Variants in HIP1R observed in about 807,000 individuals in gnomAD.
HIP1R encodes the protein huntingtin-interacting protein 1-related protein.
HIP1R carries 135 observed loss-of-function variants against 144.2 expected under a neutral mutation model. The ratio of observed to expected loss-of-function variants is 0.94; its 90% CI spans 0.81 to 1.08. HIP1R has a LOEUF of 1.08. HIP1R is among the 50% of genes least tolerant of loss of function. The pLI is 0.00. For synonymous variants in HIP1R, 698 were observed against 612.8 expected (o/e 1.14, Z -2.05); for missense variants, 1,462 against 1,432.8 (o/e 1.02, Z -0.33).
rs994556810 is a variant in HIP1R, at chr12:122,840,539, T to A, written c.93+4896T>A. Reference sequence around the variant, plus strand: ...GAGTGGTTGTGAAGAAATTTACAGGTGTTCATAGTGCCTGGTGTGTAGTGA... The same window carrying A: ...GAGTGGTTGTGAAGAAATTTACAGGAGTTCATAGTGCCTGGTGTGTAGTGA... On this transcript the variant is annotated intron_variant, in intron 1 of 31. Transcript: ENST00000253083. This position sits in a 1 kb window ranked among gnomAD's most constrained non-coding sequence, Gnocchi z 4.2. 2.8e-4 allele frequency among the ~76,000 whole-genome samples: 42 copies of A among 152,134 alleles called. No individual in the cohort carries two copies. Among genetic ancestry groups the A allele is most frequent in the Non-Finnish European group, 2.1e-4 (14 of 68,026 alleles).
At chr12:122,859,929 C>T (rs2033715811) in intron 24 of HIP1R, 99 bp downstream of exon 24, 3 of 1,473,890 alleles carry the variant, frequency 2.0e-6, no homozygotes, top group East Asian at 2.3e-5. Context: ...AAAGGAAGGC[C>T]TGGCTCAGAG....
chr12:122,857,987 C>T (rs930368409), intron 18 of HIP1R, 115 bp from the exon 19 acceptor site: 2 of 877,222 alleles, frequency 2.3e-6, no homozygotes, highest in African/African-American at 1.7e-5. Flanking sequence ...ACCCCCCTGA[C>T]CAGTGAGGGT....
chr12:122,851,992 G>A (rs963667628), intron 7 of HIP1R, among the ~76,000 whole-genome samples: 1 of 152,216 alleles, frequency 6.6e-6, no homozygotes, highest in Non-Finnish European at 1.5e-5. Context: ...AAGCCTCTGA[G>A]TCACGTCAGA....
rs1020235596 is a variant in HIP1R at position 122,836,994 on chromosome 12, C to G, written c.93+1351C>G. ...CATCAACTGGTTCAGCCCGGATAGC[C>G]CGTCATTTTAAAAAAATTTAAAGTC... On this transcript the variant is annotated intron_variant, in intron 1 of 31. Coordinates refer to ENST00000253083, the MANE Select transcript of HIP1R (RefSeq NM_003959.3). The surrounding 1 kb of genome is among the most constrained non-coding windows in gnomAD (Gnocchi z 4.1). Among the ~76,000 whole-genome samples the G allele has an allele frequency of 6.6e-6, 1 of 152,122 alleles. No homozygotes were observed. The highest frequency in any genetic ancestry group is 2.4e-5 in the African/African-American group (1 of 41,406).
chr12:122,859,933 C>A, intron 24 of HIP1R, 103 bp downstream of exon 24: 1 of 1,467,936 alleles, frequency 6.8e-7, no homozygotes, highest in Non-Finnish European at 9.3e-7. Flanking sequence ...GAAGGCCTGG[C>A]TCAGAGCAGA....
At chr12:122,844,036 G>A (rs1384361556) in intron 1 of HIP1R, among the ~76,000 whole-genome samples, 2 of 152,026 alleles carry the variant, frequency 1.3e-5, no homozygotes, top group Non-Finnish European at 2.9e-5. Context: ...TGGGAGTTTC[G>A]CCATGTTGGC....
chr12:122,856,218 C>T (rs1234106721), intron 14 of HIP1R, 38 bp from the exon 15 acceptor site: 1 of 1,612,860 alleles, frequency 6.2e-7, no homozygotes, highest in East Asian at 2.2e-5. Context: ...CCCCTGCCAC[C>T]CCACACGGGG....
chr12:122,860,548 G>GGGGGC, intron 27 of HIP1R, 25 bp downstream of exon 27: 1 of 1,336,670 alleles, frequency 7.5e-7, no homozygotes, highest in Non-Finnish European at 1.1e-6. Context: ...GTGGGGGGGG[G>GGGGGC]CAGGGGGCTG....
Position 122,861,034 on chromosome 12 carries a change from A to G in HIP1R, c.2885A>G (p.Asp962Gly). 3 of 1,613,644 alleles carry G rather than the reference A, an allele frequency of 1.9e-6. No homozygotes were observed. The highest frequency in any genetic ancestry group is 2.5e-6 in the Non-Finnish European group (3 of 1,179,984). ...AAGTCAGGCCAGGAGCAGATTGAGG[A>G]CAGAGGTGAGTGCCAGATGCCAACG... is the stretch of plus-strand genomic sequence containing the variant. ...STKSGQEQIE[D>G]RDTMDFSGLS... The change falls in exon 29 of 32, where the codon GAC becomes GGC. Residue 962 changes from aspartate to glycine, a missense_variant. Asp to Gly is a moderately conservative substitution (Grantham distance 94). This residue lies in a region of HIP1R where 1,112 missense variants were observed against 1,011.7 expected (regional missense o/e 1.10). Transcript: ENST00000253083.
rs771131880 is a variant in HIP1R, at chr12:122,840,413, CAA to C, written c.93+4771_93+4772del. Among the ~76,000 whole-genome samples the C allele has an allele frequency of 1.2e-4, 18 of 152,220 alleles. No individual in the cohort carries two copies. The highest frequency in any genetic ancestry group is 2.2e-4 in the Non-Finnish European group (15 of 68,036). Reference sequence around the variant, plus strand: ...GCCACGTGTGGAATGGTAGGGCAGTCAAGAGCAAGCTCCAGGTTCAGCCCCTG... The same window carrying C: ...GCCACGTGTGGAATGGTAGGGCAGTCGAGCAAGCTCCAGGTTCAGCCCCTG... On this transcript the variant is annotated intron_variant, in intron 1 of 31. Transcript: ENST00000253083. This position sits in a 1 kb window ranked among gnomAD's most constrained non-coding sequence, Gnocchi z 4.2.
chr12:122,854,248 CA>C, intron 8 of HIP1R, 65 bp downstream of exon 8: 1 of 1,282,458 alleles, frequency 7.8e-7, no homozygotes, highest in Non-Finnish European at 1.0e-6. Flanking sequence ...CATTCACTGT[CA>C]AAAAGGAAAA....
intron 23 of HIP1R, 34 bp downstream of exon 23, chr12:122,859,570 T>C: frequency 1.9e-6 from 3 of 1,552,722 alleles, no homozygotes; most frequent in Non-Finnish European, 2.7e-6. Context: ...CCCTCATTCC[T>C]GTGGAGCTTT....
Position 122,851,251 on chromosome 12 carries a change from G to C in HIP1R, c.531G>C (p.Val177=). 1 of 1,546,876 alleles carries C rather than the reference G, an allele frequency of 6.5e-7. No individual in the cohort carries two copies. Among genetic ancestry groups the C allele is most frequent in the Non-Finnish European group, 8.7e-7 (1 of 1,154,946 alleles). ...TDVNNIFQLT[V]EMFDYMDCEL... is the part of the protein sequence containing the mutation. Reference sequence around the variant, plus strand: ...TCTTGCGTAGCTTCCAGCTCACTGTGGAGATGTTTGATTACATGGATTGTG... The same window carrying C: ...TCTTGCGTAGCTTCCAGCTCACTGTCGAGATGTTTGATTACATGGATTGTG... Residue 177 remains valine (V), a synonymous_variant, in exon 7 of 32, where the codon GTG becomes GTC. Coordinates refer to ENST00000253083, the MANE Select transcript of HIP1R (RefSeq NM_003959.3).
In HIP1R at chr12:122,861,457, C is replaced by T. The variant is rs750003732; in HGVS notation, c.3102C>T (p.Thr1034=). 2.5e-6 allele frequency: 4 copies of T among 1,613,494 alleles called. No individual in the cohort carries two copies. Residue 1034 remains threonine (T), a synonymous_variant, in exon 31 of 32, where the codon ACC becomes ACT. Transcript: ENST00000253083. Reference sequence around the variant, plus strand: ...CCAGCACTGCCCCCCGAAGTGTAACCACCAAGAAACCACCCCTGGCCCAGA... The same window carrying T: ...CCAGCACTGCCCCCCGAAGTGTAACTACCAAGAAACCACCCCTGGCCCAGA... ...IRPSTAPRSV[T]TKKPPLAQKP...
At chr12:122,853,946 G>T in intron 7 of HIP1R, 97 bp from the exon 8 acceptor site, 1 of 1,400,776 alleles carries the variant, frequency 7.1e-7, no homozygotes, top group Non-Finnish European at 9.7e-7. Flanking sequence ...CTGGTGTGTG[G>T]GAGCTGGCTT....
rs1313527633 is a variant in HIP1R at position 122,856,305 on chromosome 12, C to G, written c.1362C>G (p.His454Gln). The change falls in exon 15 of 32, where the codon CAC (histidine) becomes CAG (glutamine). Residue 454 changes from histidine to glutamine, a missense_variant. Physicochemically the swap from His to Gln is conservative, Grantham distance 24. Coordinates refer to ENST00000253083, the MANE Select transcript of HIP1R (RefSeq NM_003959.3). ...EARYNKLKEK[H>Q]SELVHVHAEL... The stretch of plus-strand genomic sequence containing the variant: ...GCTACAACAAGCTGAAGGAAAAGCA[C>G]AGTGAGCTCGTCCATGTGCACGCGG... 2 of 1,613,914 alleles carry G rather than the reference C, an allele frequency of 1.2e-6. No homozygotes were observed. The highest frequency in any genetic ancestry group is 1.7e-6 in the Non-Finnish European group (2 of 1,180,020).
At chr12:122,860,888 G>T (rs1449054568) in intron 28 of HIP1R, 28 bp from the exon 29 acceptor site, 1 of 1,602,972 alleles carries the variant, frequency 6.2e-7, no homozygotes, top group Admixed American at 1.7e-5. Flanking sequence ...TGGGAGACCT[G>T]GGCCCACCCT....
upstream of HIP1R, chr12:122,834,848 A>G: frequency 1.3e-6 from 1 of 780,960 alleles, no homozygotes; most frequent in Non-Finnish European, 1.9e-6. Flanking sequence ...GCTATGTCAG[A>G]ATTGCACAAA....
Position 122,860,166 on chromosome 12 carries a change from A to T in HIP1R, c.2515A>T (p.Thr839Ser). The T allele has an allele frequency of 5.1e-6, 8 of 1,573,668 alleles. No homozygotes were observed. Among genetic ancestry groups the T allele is most frequent in the Non-Finnish European group, 6.9e-6 (8 of 1,161,560 alleles). The part of the protein sequence containing the change: ...DLMKAIRLLV[T>S]TSTSLQKEIV... Reference sequence around the variant, plus strand: ...TCGGCAGGCTATCCGGCTCCTGGTGACGACATCCACTAGCCTGCAGAAGGA... The same window carrying T: ...TCGGCAGGCTATCCGGCTCCTGGTGTCGACATCCACTAGCCTGCAGAAGGA... Residue 839 changes from threonine to serine, a missense_variant, in exon 26 of 32, where the codon ACG becomes TCG. Physicochemically the swap from Thr to Ser is moderately conservative, Grantham distance 58. Transcript: ENST00000253083.
Sources: allele counts gnomAD v4.1 joint callset (sites outside exome capture counted in the v4.1 genomes callset), GRCh38; gene constraint gnomAD v4.1.1; regional missense constraint gnomAD v4.1.1; non-coding constraint Gnocchi (gnomAD v3.1); transcripts MANE v1.5; gene names NCBI Gene and HGNC (gene_info 2026-07-23, HGNC 2026-07-21).